Variants in FGL1 observed in about 807,000 individuals in gnomAD.
The protein encoded by FGL1 is fibrinogen-like protein 1.
FGL1 carries 59 observed loss-of-function variants against 43.7 expected under a neutral mutation model. That is an observed-to-expected ratio of 1.35 (90% CI 1.10 to 1.68). The LOEUF is 1.68. Ranked by LOEUF, FGL1 falls within the 40% of genes most tolerant of loss-of-function variation. The probability of loss-of-function intolerance (pLI) is 0.00; values close to 1 mark genes in which losing one functional copy is unlikely to be tolerated. For synonymous variants in FGL1, 192 were observed against 126.5 expected (o/e 1.52, Z -3.48); for missense variants, 596 against 373.0 (o/e 1.60, Z -4.92).
chr8:17,873,931 A>C, intron 5 of FGL1, 88 bp downstream of exon 5: 3 of 782,376 alleles, frequency 3.8e-6, no homozygotes, highest in Non-Finnish European at 5.8e-6. Context: ...TTATTGAATT[A>C]GTTCCATTGC....
intron 2 of FGL1, among the ~76,000 whole-genome samples, chr8:17,883,367 T>C (rs2053578426): frequency 9.0e-6 from 1 of 111,462 alleles, no homozygotes; most frequent in African/African-American, 3.9e-5. Flanking sequence ...TAATATATAA[T>C]ATATAAAATA....
rs1046822810 is a variant in FGL1 at position 17,868,026 on chromosome 8, A to G, written c.779+522T>C. On this transcript the variant is annotated intron_variant, in intron 7 of 7. Transcript: ENST00000427924. ...TGAATTTGCTGATAAAGTAACATGA[A>G]TGTATTCAGTCAGAGGGTAGAATTA... Among the ~76,000 whole-genome samples the G allele has an allele frequency of 2.0e-5, 3 of 152,228 alleles. No individual in the cohort carries two copies. The East Asian group carries it at 5.8e-4, about 29-fold the overall frequency.
rs1208572003 is a variant in FGL1, at chr8:17,875,533, T to TTCTTTCTCTCTCTCTC, written c.245-1013_245-1012insGAGAGAGAGAGAAAGA. Among the ~76,000 whole-genome samples the TTCTTTCTCTCTCTCTC allele has an allele frequency of 4.2e-4, 5 of 11,846 alleles. 1 individual carries two copies. The highest frequency in any genetic ancestry group is 9.3e-4 in the African/African-American group (4 of 4,302). 7.8% of individuals were successfully genotyped at this position (11,846 alleles called of 152,430 possible). A position where few individuals can be genotyped will look rare whatever the true frequency, so the allele number is the denominator to read the frequency against. On this transcript the variant is annotated intron_variant, in intron 3 of 7. Transcript: ENST00000427924. ...TTTCTTTCTTTCTTTCTTTCTTTCTTTCTCTTTCTTTCTTTCTTTCTTTCT... is the reference window on the plus strand; with the variant it reads ...TTTCTTTCTTTCTTTCTTTCTTTCTTTCTTTCTCTCTCTCTCTCTCTTTCTTTCTTTCTTTCTTTCT...
chr8:17,876,782 A>T (rs1484319591), intron 3 of FGL1, among the ~76,000 whole-genome samples: 1 of 152,216 alleles, frequency 6.6e-6, no homozygotes, highest in Non-Finnish European at 1.5e-5. Flanking sequence ...GTGATTAGCT[A>T]TAACATTTGC....
intron 3 of FGL1, among the ~76,000 whole-genome samples, chr8:17,879,027 C>A (rs1761801388): frequency 1.4e-5 from 1 of 71,246 alleles, no homozygotes; most frequent in African/African-American, 4.8e-5. Flanking sequence ...AACAATTGAA[C>A]TGTGTTTATA....
intron 1 of FGL1, among the ~76,000 whole-genome samples, chr8:17,890,778 T>G (rs2053693027): frequency 6.6e-6 from 1 of 152,122 alleles, no homozygotes; most frequent in Admixed American, 6.6e-5. Flanking sequence ...CTTCTTCACA[T>G]GATGGCAGGA....
intron 3 of FGL1, among the ~76,000 whole-genome samples, chr8:17,880,101 G>A (rs191993241): frequency 6.6e-6 from 1 of 152,124 alleles, no homozygotes; most frequent in Non-Finnish European, 1.5e-5. Context: ...ACTGTCCCTG[G>A]TTCCTCTTGG....
At chr8:17,885,674 C>T in intron 1 of FGL1, 103 bp from the exon 2 acceptor site, 1 of 876,542 alleles carries the variant, frequency 1.1e-6, no homozygotes, top group East Asian at 2.6e-5. Context: ...CAGCCGCAGG[C>T]CATCCCTAAT....
intron 1 of FGL1, among the ~76,000 whole-genome samples, chr8:17,893,773 G>T (rs1436878308): frequency 1.4e-5 from 2 of 147,014 alleles, no homozygotes; most frequent in African/African-American, 5.3e-5. Context: ...GAAATGCTAA[G>T]CATTAAGAAA....
chr8:17,887,579 T>C (rs932415036), intron 1 of FGL1, among the ~76,000 whole-genome samples: 2 of 152,108 alleles, frequency 1.3e-5, no homozygotes, highest in African/African-American at 4.8e-5. Flanking sequence ...GCCGGGCGTG[T>C]TGGCTCACAC....
Position 17,868,910 on chromosome 8 carries a change from T to C in FGL1, c.591+6A>G. 6.3e-7 allele frequency: 1 copy of C among 1,584,848 alleles called. No individual in the cohort carries two copies. Among genetic ancestry groups the C allele is most frequent in the South Asian group, 1.2e-5 (1 of 85,752 alleles). Reference sequence around the variant, plus strand: ...CACGGTTTTACTTCTTAGAAAATTGTAGTACCTTTTCATCTCCAACTTTGA... The same window carrying C: ...CACGGTTTTACTTCTTAGAAAATTGCAGTACCTTTTCATCTCCAACTTTGA... On this transcript the variant is annotated splice_donor_region_variant and intron_variant, in intron 6 of 7. Transcript: ENST00000427924.
At chr8:17,883,701 A>G (rs1172897326) in intron 2 of FGL1, among the ~76,000 whole-genome samples, 2 of 146,300 alleles carry the variant, frequency 1.4e-5, no homozygotes, top group Non-Finnish European at 3.0e-5. Context: ...TTTTATATAT[A>G]TATATATGTA....
intron 5 of FGL1, among the ~76,000 whole-genome samples, chr8:17,870,416 T>G (rs2131698615): frequency 6.6e-6 from 1 of 152,336 alleles, no homozygotes; most frequent in South Asian, 2.1e-4. Flanking sequence ...ACATGTGTTC[T>G]ATCCTCCTAC....
At chr8:17,895,392 A>G (rs980229787) in intron 1 of FGL1, 55 bp downstream of exon 1, 2 of 1,275,524 alleles carry the variant, frequency 1.6e-6, no homozygotes, top group Non-Finnish European at 2.0e-6. Flanking sequence ...TACCTGTGAA[A>G]TAAATTAGCA....
chr8:17,867,444 C>G (rs900125181), intron 7 of FGL1, among the ~76,000 whole-genome samples: 7 of 152,162 alleles, frequency 4.6e-5, no homozygotes, highest in African/African-American at 1.7e-4. Context: ...TAGTAGTTCT[C>G]TGTTTTTTCC....
At chr8:17,878,436 T>G (rs1251174077) in intron 3 of FGL1, among the ~76,000 whole-genome samples, 9 of 152,166 alleles carry the variant, frequency 5.9e-5, no homozygotes, top group Non-Finnish European at 1.5e-5. Flanking sequence ...CTTAGGCCAC[T>G]TTGTAACCTG....
At chr8:17,864,787 C>A (rs2053245335) in intron 7 of FGL1, 36 bp from the exon 8 acceptor site, 1 of 1,419,660 alleles carries the variant, frequency 7.0e-7, no homozygotes, top group Non-Finnish European at 9.3e-7. Flanking sequence ...AAACAACAAT[C>A]AGACTGGAAA....
At chr8:17,878,222 G>A (rs1455851697) in intron 3 of FGL1, among the ~76,000 whole-genome samples, 2 of 152,122 alleles carry the variant, frequency 1.3e-5, no homozygotes, top group African/African-American at 4.8e-5. Flanking sequence ...AAAGTGCAGG[G>A]ATTACAGGCA....
chr8:17,864,655 C>G lies in FGL1; in HGVS notation c.876G>C (p.Trp292Cys), dbSNP rs754823723. The change falls in exon 8 of 8, where the codon TGG (tryptophan) becomes TGC (cysteine). Residue 292 changes from tryptophan to cysteine, a missense_variant. Trp to Cys is a radical substitution (Grantham distance 215). Transcript: ENST00000427924. The part of the protein sequence containing the change: ...GIVWYTWHGW[W>C]YSLKSVVMKI... ...TCATAACCACAGATTTCAGAGAATA[C>G]CACCACCCATGCCAGGTGTACCAGA... 2 of 1,613,568 alleles carry G rather than the reference C, an allele frequency of 1.2e-6. No homozygotes were observed. The highest frequency in any genetic ancestry group is 2.2e-5 in the East Asian group (1 of 44,860).
Sources: allele counts gnomAD v4.1 joint callset (sites outside exome capture counted in the v4.1 genomes callset), GRCh38; gene constraint gnomAD v4.1.1; transcripts MANE v1.5; gene names NCBI Gene and HGNC (gene_info 2026-07-23, HGNC 2026-07-21).